Variants in ACE observed in about 807,000 individuals in gnomAD.
ACE encodes the protein angiotensin I converting enzyme.
ACE carries 122 observed loss-of-function variants against 162.3 expected under a neutral mutation model. The observed-to-expected ratio is 0.75, with a 90% CI of 0.65 to 0.87. The LOEUF (loss-of-function observed/expected upper bound fraction) is 0.87, where lower values mean the gene tolerates loss of function less well. Ranked by LOEUF, ACE falls within the 40% of genes least tolerant of loss-of-function variation. The pLI is 0.00. For missense variants in ACE, 1,799 were observed against 1,735.1 expected, an observed-to-expected ratio of 1.04 and a Z score of -0.65; for synonymous variants, 796 against 720.6, an observed-to-expected ratio of 1.10 and a Z score of -1.68.
chr17:63,492,207 G>A (rs2030429987), intron 19 of ACE, among the ~76,000 whole-genome samples: 1 of 152,192 alleles, frequency 6.6e-6, no homozygotes, highest in Non-Finnish European at 1.5e-5. Flanking sequence ...AGATTTACCT[G>A]GCAGCCAGCA....
intron 13 of ACE, 128 bp from the exon 14 acceptor site, chr17:63,486,429 A>C (rs766863323): frequency 2.0e-6 from 2 of 1,004,892 alleles, no homozygotes; most frequent in Admixed American, 2.0e-5. Context: ...CTTATAGGCA[A>C]AGGTTGCAAC....
At chr17:63,489,278 G>C (rs1426567810) in intron 17 of ACE, 146 bp downstream of exon 17, 6 of 1,028,390 alleles carry the variant, frequency 5.8e-6, no homozygotes, top group Non-Finnish European at 8.5e-6. Context: ...GGCTGGAGGG[G>C]GGTGGGCGCT....
At chr17:63,495,765 A>G (rs1031019967) in intron 22 of ACE, among the ~76,000 whole-genome samples, 1 of 152,222 alleles carries the variant, frequency 6.6e-6, no homozygotes, top group African/African-American at 2.4e-5. Flanking sequence ...CTAGAAAAAC[A>G]TTCCGGATTC....
In ACE at chr17:63,483,515, G is replaced by T. The variant is rs144294634; in HGVS notation, c.1543G>T (p.Ala515Ser). The change falls in exon 10 of 25, where the codon GCT (alanine) becomes TCT (serine). Residue 515 changes from alanine (A) to serine (S), a missense_variant. Ala to Ser is a moderately conservative substitution (Grantham distance 99). Transcript: ENST00000290866. Reference sequence around the variant, plus strand: ...TACCCGAAACGAAACCCACTTTGATGCTGGAGCTAAGTTTCATGTTCCAAA... The same window carrying T: ...TACCCGAAACGAAACCCACTTTGATTCTGGAGCTAAGTTTCATGTTCCAAA... ...PVTRNETHFD[A>S]GAKFHVPNVT... 210 of 1,614,024 alleles carry T rather than the reference G, an allele frequency of 1.3e-4. No individual in the cohort carries two copies. The highest frequency in any genetic ancestry group is 1.2e-4 in the Non-Finnish European group (141 of 1,180,046).
rs2029862699 is a variant in ACE at position 63,484,420 on chromosome 17, C to G, written c.1800C>G (p.Leu600=). Residue 600 remains leucine, a synonymous_variant, in exon 12 of 25, where the codon CTC becomes CTG. Transcript: ENST00000290866. This position sits in a 1 kb window ranked among gnomAD's most constrained non-coding sequence, Gnocchi z 4.0. ...ATGCCCTGGATGCCCAGCCGCTGCTCAAGTACTTCCAGCCAGTCACCCAGT... is the reference window on the plus strand; with the variant it reads ...ATGCCCTGGATGCCCAGCCGCTGCTGAAGTACTTCCAGCCAGTCACCCAGT... ...GLDALDAQPL[L]KYFQPVTQWL... 1 of 1,612,292 alleles carries G rather than the reference C, an allele frequency of 6.2e-7. No homozygotes were observed. The highest frequency in any genetic ancestry group is 1.3e-5 in the African/African-American group (1 of 74,928).
At position 63,493,502 on chromosome 17, in the gene ACE, C is replaced by A. The variant is rs75067113; in HGVS notation, c.2979C>A (p.Ile993=). Residue 993 remains isoleucine (I), a synonymous_variant, in exon 20 of 25, where the codon ATC becomes ATA. Coordinates refer to ENST00000290866, the MANE Select transcript of ACE (RefSeq NM_000789.4). ...LVVAHHEMGH[I]QYFMQYKDLP... The stretch of plus-strand genomic sequence containing the variant: ...TGGCCCACCACGAAATGGGCCACAT[C>A]CAGTATTTCATGCAGTACAAAGACT... The A allele has an allele frequency of 1.2e-6, 2 of 1,614,010 alleles. No individual in the cohort carries two copies. The highest frequency in any genetic ancestry group is 1.7e-6 in the Non-Finnish European group (2 of 1,180,012).
chr17:63,494,893 G>T (rs1332991125), intron 22 of ACE, among the ~76,000 whole-genome samples: 1 of 152,200 alleles, frequency 6.6e-6, no homozygotes, highest in Non-Finnish European at 1.5e-5. Flanking sequence ...ACACTAAAAT[G>T]TAGGATTGGA....
Position 63,497,210 on chromosome 17 carries a change from C to A in ACE, c.3765C>A (p.Ala1255=), listed in dbSNP as rs773663364. 10 of 1,599,092 alleles carry A rather than the reference C, an allele frequency of 6.3e-6. No individual in the cohort carries two copies. In the East Asian group the frequency reaches 2.0e-4, roughly 32 times the overall value. ...FLGLDLDAQQ[A]RVGQWLLLFL... The stretch of plus-strand genomic sequence containing the variant: ...GCCTGGACCTGGATGCGCAGCAGGC[C>A]CGCGTGGGCCAGTGGCTGCTGCTCT... The change falls in exon 25 of 25, where the codon GCC becomes GCA. Residue 1255 remains alanine (A), a synonymous_variant. Transcript: ENST00000290866.
chr17:63,496,791 TC>T lies in ACE; in HGVS notation c.3504-3del, dbSNP rs1350820565. The T allele has an allele frequency of 5.0e-6, 8 of 1,611,266 alleles. No homozygotes were observed. Among genetic ancestry groups the T allele is most frequent in the South Asian group, 3.3e-5 (3 of 91,064 alleles). On this transcript the variant is annotated splice_polypyrimidine_tract_variant and splice_region_variant and intron_variant, in intron 23 of 24. Coordinates refer to ENST00000290866, the MANE Select transcript of ACE (RefSeq NM_000789.4). The stretch of plus-strand genomic sequence containing the variant: ...TGACTCTGCCTCCCTGTCTCATGCC[TC>T]CCCAGGACCGCCATGAAGCTGGGCT...
rs2049725828 is a variant in ACE, at chr17:63,482,450, CCT to C, written c.1119-11_1119-10del. The stretch of plus-strand genomic sequence containing the variant: ...GTCCATCCGTCACTCTCACCCTCGC[CCT>C]CTCTACGCCCCAGGATCAAGCAGTG... On this transcript the variant is annotated splice_polypyrimidine_tract_variant and intron_variant, in intron 7 of 24. Coordinates refer to ENST00000290866, the MANE Select transcript of ACE (RefSeq NM_000789.4). The C allele has an allele frequency of 6.2e-7, 1 of 1,612,778 alleles. No individual in the cohort carries two copies. The highest frequency in any genetic ancestry group is 8.5e-7 in the Non-Finnish European group (1 of 1,179,204).
chr17:63,496,286 GCATGTGACTTAGCACACATCA>G (rs2030722830), intron 22 of ACE, 87 bp from the exon 23 acceptor site: 4 of 1,534,918 alleles, frequency 2.6e-6, no homozygotes, highest in African/African-American at 2.7e-5. Context: ...TCTGCTGTGC[GCATGTGACTTAGCACACATCA>G]CATGTGATGT....
intron 1 of ACE, 147 bp from the exon 2 acceptor site, chr17:63,477,784 A>G (rs2049642928): frequency 1.0e-6 from 1 of 960,072 alleles, no homozygotes; most frequent in South Asian, 1.6e-5. Context: ...GGCTTCCGCA[A>G]ACTAAGGTCT....
At chr17:63,482,405 C>A in intron 7 of ACE, 61 bp from the exon 8 acceptor site, 2 of 1,503,372 alleles carry the variant, frequency 1.3e-6, no homozygotes, top group African/African-American at 1.4e-5. Flanking sequence ...CTGCCCTGTG[C>A]CCTGGCCCTG....
rs1290048090 is a variant in ACE at position 63,484,209 on chromosome 17, T to TA, written c.1710-120dup. 10 of 1,316,048 alleles carry TA rather than the reference T, an allele frequency of 7.6e-6. No homozygotes were observed. Among genetic ancestry groups the TA allele is most frequent in the Non-Finnish European group, 1.1e-5 (10 of 949,502 alleles). 81.5% of individuals were successfully genotyped at this position (1,316,048 alleles called of 1,614,324 possible). ...AGAGAGATCCCAGGCCCCAGGGTCT[T>TA]ATTGCCACAGTTTCTGCAGTCCATT... On this transcript the variant is annotated intron_variant, in intron 11 of 24. Coordinates refer to ENST00000290866, the MANE Select transcript of ACE (RefSeq NM_000789.4). This position sits in a 1 kb window ranked among gnomAD's most constrained non-coding sequence, Gnocchi z 4.0.
intron 8 of ACE, 137 bp downstream of exon 8, chr17:63,482,826 C>A: frequency 8.9e-7 from 1 of 1,120,938 alleles, no homozygotes; most frequent in Non-Finnish European, 1.3e-6. Flanking sequence ...TCGGGATCCT[C>A]CTAGAGCCTC....
intron 13 of ACE, 40 bp downstream of exon 13, chr17:63,485,412 A>G (rs1329676695): frequency 6.2e-7 from 1 of 1,611,996 alleles, no homozygotes; most frequent in East Asian, 2.2e-5. Context: ...GAGCATGTGC[A>G]TACACACAGA....
chr17:63,482,411 C>T, intron 7 of ACE, 55 bp from the exon 8 acceptor site: 1 of 1,535,206 alleles, frequency 6.5e-7, no homozygotes, highest in South Asian at 1.1e-5. Context: ...TGTGCCCTGG[C>T]CCTGCCCTGT....
In ACE at chr17:63,498,327, A is replaced by G. The variant is rs371787322; in HGVS notation, c.*961A>G. Reference sequence around the variant, plus strand: ...GTATGTTTATGTAGAAATTTGGAAAATACAGAAAACTGTAAAGAAAATAAA... The same window carrying G: ...GTATGTTTATGTAGAAATTTGGAAAGTACAGAAAACTGTAAAGAAAATAAA... On this transcript the variant is annotated 3_prime_UTR_variant, in exon 25 of 25. Transcript: ENST00000290866. The G allele has an allele frequency of 3.9e-5, 6 of 152,202 alleles. No individual in the cohort carries two copies. The East Asian group carries it at 9.6e-4, about 24-fold the overall frequency. The allele number at this position is 152,202 out of a possible 1,614,324, so 9.4% of individuals were successfully genotyped here.
At chr17:63,481,236 G>C in intron 6 of ACE, 48 bp downstream of exon 6, 1 of 1,484,296 alleles carries the variant, frequency 6.7e-7, no homozygotes. Context: ...GGGGTGGGGC[G>C]CAAAAAAAGG....
Sources: gnomAD v4.1 joint callset for allele counts (sites outside exome capture counted in the v4.1 genomes callset) on GRCh38, gnomAD v4.1.1 for gene constraint, Gnocchi (gnomAD v3.1) non-coding constraint, MANE v1.5 for transcripts, NCBI Gene and HGNC (gene_info 2026-07-23, HGNC 2026-07-21) for gene names.